Variants in NR3C2 observed in about 807,000 individuals in gnomAD.
The protein encoded by NR3C2 is nuclear receptor subfamily 3 group C member 2, also known as mineralocorticoid receptor.
A neutral mutation model predicts 86.4 loss-of-function variants in NR3C2; 15 were observed. That is an observed-to-expected ratio of 0.17 (90% CI 0.12 to 0.27). The LOEUF (loss-of-function observed/expected upper bound fraction) is 0.27, where lower values mean the gene tolerates loss of function less well. Among genes scored for constraint, NR3C2 ranks in the 10% least tolerant of loss-of-function variants. The pLI, the probability that NR3C2 is intolerant of heterozygous loss-of-function variation, is 1.00. For missense variants in NR3C2, 960 were observed against 1,195.6 expected, an observed-to-expected ratio of 0.80 and a Z score of 2.91; for synonymous variants, 458 against 450.5, an observed-to-expected ratio of 1.02 and a Z score of -0.21.
intron 2 of NR3C2, among the ~76,000 whole-genome samples, chr4:148,404,036 C>T (rs902349806): frequency 6.6e-6 from 1 of 152,070 alleles, no homozygotes; most frequent in African/African-American, 2.4e-5. Context: ...ATAAGTTACA[C>T]ATTTTGCTCA....
chr4:148,090,425 A>AAGTT (rs1246022323), intron 8 of NR3C2, among the ~76,000 whole-genome samples: 1 of 152,218 alleles, frequency 6.6e-6, no homozygotes, highest in East Asian at 1.9e-4. Flanking sequence ...CATCCCCAAA[A>AAGTT]AGTTATACAG....
intron 4 of NR3C2, among the ~76,000 whole-genome samples, chr4:148,157,304 A>C (rs1734444114): frequency 6.6e-6 from 1 of 152,114 alleles, no homozygotes; most frequent in Admixed American, 6.5e-5. Context: ...TTAAAGTATA[A>C]TTAAAAAAAC....
At chr4:148,222,320 TCTTA>T (rs1387946023) in intron 3 of NR3C2, among the ~76,000 whole-genome samples, 3 of 152,286 alleles carry the variant, frequency 2.0e-5, no homozygotes, top group Non-Finnish European at 4.4e-5. Context: ...CCAACAGACT[TCTTA>T]CTTAGGAGGG....
intron 2 of NR3C2, among the ~76,000 whole-genome samples, chr4:148,295,934 C>T (rs1264276454): frequency 2.0e-5 from 3 of 146,896 alleles, no homozygotes; most frequent in African/African-American, 7.5e-5. Flanking sequence ...TTTTTTATTA[C>T]AGAGTCAACA....
At chr4:148,340,039 A>G (rs6852036) in intron 2 of NR3C2, among the ~76,000 whole-genome samples, 2,877 of 152,304 alleles carry the variant, frequency 0.019, 81 homozygotes, top group African/African-American at 0.065. Flanking sequence ...CACTGACGAA[A>G]GAAATTGAAG....
At chr4:148,333,034 G>A (rs1329225669) in intron 2 of NR3C2, among the ~76,000 whole-genome samples, 1 of 152,054 alleles carries the variant, frequency 6.6e-6, no homozygotes, top group Non-Finnish European at 1.5e-5. Context: ...GGGAGGCCAA[G>A]GTGGGCAGAT....
chr4:148,429,081 C>T (rs1749682695), intron 2 of NR3C2, among the ~76,000 whole-genome samples: 1 of 152,048 alleles, frequency 6.6e-6, no homozygotes. Flanking sequence ...CACAGAGCTC[C>T]CTCCTCCAGT....
intron 2 of NR3C2, among the ~76,000 whole-genome samples, chr4:148,351,705 C>T (rs1256885520): frequency 6.6e-6 from 1 of 152,168 alleles, no homozygotes; most frequent in Non-Finnish European, 1.5e-5. Flanking sequence ...AGTGATCAAT[C>T]AGCAAATGCT....
intron 2 of NR3C2, among the ~76,000 whole-genome samples, chr4:148,330,522 C>G (rs1188568275): frequency 6.6e-6 from 1 of 151,926 alleles, no homozygotes; most frequent in Non-Finnish European, 1.5e-5. Flanking sequence ...AAAATGTAGT[C>G]TTTTTATATC....
chr4:148,342,304 T>G (rs1744786257), intron 2 of NR3C2, among the ~76,000 whole-genome samples: 1 of 152,052 alleles, frequency 6.6e-6, no homozygotes, highest in Non-Finnish European at 1.5e-5. Context: ...ATCACGGCCC[T>G]ATGTTCTCAG....
chr4:148,080,873 A>AT lies in NR3C2; in HGVS notation c.*470dup, dbSNP rs1578858518. ...AACAGGAATCTGTATATATTTTTTT[A>AT]TTATTTTTTTGTGTTTTTTTAATAA... On this transcript the variant is annotated 3_prime_UTR_variant, in exon 9 of 9. Transcript: ENST00000358102. 14 of 356,804 alleles carry AT rather than the reference A, an allele frequency of 3.9e-5. No individual in the cohort carries two copies. The East Asian group carries it at 1.1e-3, about 28-fold the overall frequency. The allele number at this position is 356,804 out of a possible 1,614,324, so 22.1% of individuals were successfully genotyped here. A position where few individuals can be genotyped will look rare whatever the true frequency, so the allele number is the denominator to read the frequency against.
At chr4:148,083,011 C>T (rs757653719) in intron 8 of NR3C2, among the ~76,000 whole-genome samples, 13 of 152,084 alleles carry the variant, frequency 8.5e-5, no homozygotes, top group Non-Finnish European at 1.9e-4. Flanking sequence ...CCACTGTAGC[C>T]AGACTGCCTC....
intron 2 of NR3C2, among the ~76,000 whole-genome samples, chr4:148,379,219 A>C (rs1482300042): frequency 6.6e-6 from 1 of 152,120 alleles, no homozygotes; most frequent in Non-Finnish European, 1.5e-5. Context: ...ATAATTTTTT[A>C]AATAATTCAA....
chr4:148,144,152 C>A (rs1733754335), intron 6 of NR3C2, among the ~76,000 whole-genome samples: 2 of 152,070 alleles, frequency 1.3e-5, no homozygotes, highest in South Asian at 2.1e-4. Context: ...TTATCCATTT[C>A]TTCCAGAACT....
chr4:148,436,462 A>C lies in NR3C2; in HGVS notation c.399T>G (p.Ile133Met). The C allele has an allele frequency of 6.8e-6, 11 of 1,614,190 alleles. No individual in the cohort carries two copies. The highest frequency in any genetic ancestry group is 9.3e-6 in the Non-Finnish European group (11 of 1,180,024). The part of the protein sequence containing the change: ...NQQGSMSPAK[I>M]YQNVEQLVKF... Reference sequence around the variant, plus strand: ...TCACCAGCTGTTCAACATTCTGATAAATCTTAGCTGGACTCATGCTTCCTT... The same window carrying C: ...TCACCAGCTGTTCAACATTCTGATACATCTTAGCTGGACTCATGCTTCCTT... The change falls in exon 2 of 9, where the codon ATT (isoleucine) becomes ATG (methionine). Residue 133 changes from isoleucine (I) to methionine (M), a missense_variant. Ile to Met is a conservative substitution (Grantham distance 10, BLOSUM62 1). Around this residue, in one of 4 missense-constraint regions of NR3C2, gnomAD observed 680 missense variants for 719.0 expected, o/e 0.95. Coordinates refer to ENST00000358102, the MANE Select transcript of NR3C2 (RefSeq NM_000901.5).
chr4:148,114,479 G>C (rs1255106591), intron 7 of NR3C2, among the ~76,000 whole-genome samples: 1 of 152,144 alleles, frequency 6.6e-6, no homozygotes, highest in Non-Finnish European at 1.5e-5. Flanking sequence ...ACTTTGCACA[G>C]ACTAGTTCAC....
At chr4:148,165,400 TA>T (rs1251017010) in intron 4 of NR3C2, among the ~76,000 whole-genome samples, 1 of 152,046 alleles carries the variant, frequency 6.6e-6, no homozygotes, top group African/African-American at 2.4e-5. Flanking sequence ...TAATGAGGAA[TA>T]AAAAAATATA....
chr4:148,105,304 C>T (rs1731743919), intron 8 of NR3C2, among the ~76,000 whole-genome samples: 1 of 152,140 alleles, frequency 6.6e-6, no homozygotes, highest in Non-Finnish European at 1.5e-5. Flanking sequence ...GGATACATTC[C>T]TGGACACATA....
chr4:148,266,750 C>T (rs927945925), intron 2 of NR3C2, among the ~76,000 whole-genome samples: 1 of 152,128 alleles, frequency 6.6e-6, no homozygotes, highest in African/African-American at 2.4e-5. Flanking sequence ...AAGTCGGTGA[C>T]CTTGGACATG....
Sources: allele counts gnomAD v4.1 joint callset (sites outside exome capture counted in the v4.1 genomes callset), GRCh38; gene constraint gnomAD v4.1.1; regional missense constraint gnomAD v4.1.1; transcripts MANE v1.5; gene names NCBI Gene and HGNC (gene_info 2026-07-23, HGNC 2026-07-21).